The following DNAI4 variants were observed in gnomAD, a reference collection of about 807,000 sequenced individuals.
DNAI4 encodes the protein dynein axonemal intermediate chain 4.
In DNAI4, 85 loss-of-function variants were observed where a neutral mutation model predicts 105.8. The ratio of observed to expected loss-of-function variants is 0.80; its 90% CI spans 0.67 to 0.96. The LOEUF (loss-of-function observed/expected upper bound fraction) is 0.96. Among genes scored for constraint, DNAI4 ranks in the 40% least tolerant of loss-of-function variants. The pLI, the probability that DNAI4 is intolerant of heterozygous loss-of-function variation, is 0.00. For synonymous variants in DNAI4, 352 were observed against 331.5 expected, an observed-to-expected ratio of 1.06 and a Z score of -0.67; for missense variants, 1,014 against 1,005.6, an observed-to-expected ratio of 1.01 and a Z score of -0.11.
intron 4 of DNAI4, among the ~76,000 whole-genome samples, chr1:66,877,925 T>A (rs1178185490): frequency 6.6e-6 from 1 of 152,176 alleles, no homozygotes; most frequent in African/African-American, 2.4e-5. Flanking sequence ...ATATCAAAGA[T>A]ACATGCTAAC....
chr1:66,863,536 G>A (rs1646670496), intron 6 of DNAI4, among the ~76,000 whole-genome samples: 1 of 152,032 alleles, frequency 6.6e-6, no homozygotes, highest in Admixed American at 6.6e-5. Flanking sequence ...TCAGTTCACT[G>A]CAACCTATGT....
intron 15 of DNAI4, 21 bp from the exon 16 acceptor site, chr1:66,822,538 T>C (rs1172273181): frequency 1.3e-6 from 2 of 1,547,330 alleles, no homozygotes; most frequent in Admixed American, 4.2e-5. Flanking sequence ...ATATTTTATT[T>C]GTAAATTCAA....
In DNAI4 at chr1:66,837,663, T is replaced by C. The variant is rs76280974; in HGVS notation, c.1581+47A>G. On this transcript the variant is annotated intron_variant, in intron 10 of 16. Coordinates refer to ENST00000371026, the MANE Select transcript of DNAI4 (RefSeq NM_024763.5). ...ATGTAATTATATATTTTATGAGAAT[T>C]TTGTCAACAGCCAGATAAAAATGCT... 2,095 of 1,540,580 alleles carry C rather than the reference T, an allele frequency of 1.4e-3. 27 individuals are homozygous for C. The African/African-American group carries it at 0.026, about 19-fold the overall frequency.
At chr1:66,841,562 G>C (rs1646148992) in intron 8 of DNAI4, among the ~76,000 whole-genome samples, 1 of 151,920 alleles carries the variant, frequency 6.6e-6, no homozygotes, top group Non-Finnish European at 1.5e-5. Context: ...ATGGGGGCGG[G>C]GGTCTTACTC....
At chr1:66,826,742 A>T (rs894896779) in intron 15 of DNAI4, 78 bp downstream of exon 15, 1 of 1,264,800 alleles carries the variant, frequency 7.9e-7, no homozygotes, top group Non-Finnish European at 1.1e-6. Context: ...ATACCCTCTA[A>T]CTGGTGTCAA....
chr1:66,836,854 G>A (rs150451456), intron 10 of DNAI4, among the ~76,000 whole-genome samples: 5 of 152,180 alleles, frequency 3.3e-5, no homozygotes, highest in African/African-American at 1.2e-4. Flanking sequence ...TTTCCACTTT[G>A]CATTTCAGTT....
At chr1:66,917,761 G>T (rs1650174659) in intron 1 of DNAI4, among the ~76,000 whole-genome samples, 1 of 152,204 alleles carries the variant, frequency 6.6e-6, no homozygotes, top group Admixed American at 6.5e-5. Context: ...TGGTAATACA[G>T]TCATTTGCAC....
chr1:66,907,726 C>A (rs1379643631), intron 1 of DNAI4, among the ~76,000 whole-genome samples: 1 of 152,194 alleles, frequency 6.6e-6, no homozygotes, highest in African/African-American at 2.4e-5. Flanking sequence ...TGAAGGTAAT[C>A]CTTCAAATAC....
At chr1:66,831,670 C>T (rs1051580720) in intron 13 of DNAI4, among the ~76,000 whole-genome samples, 1 of 152,118 alleles carries the variant, frequency 6.6e-6, no homozygotes, top group Non-Finnish European at 1.5e-5. Context: ...GACACCATAC[C>T]TAATAGTAAA....
At chr1:66,893,093 G>GAA (rs10639038) in intron 3 of DNAI4, 136 bp downstream of exon 3, 4 of 422,366 alleles carry the variant, frequency 9.5e-6, no homozygotes, top group African/African-American at 2.1e-5. Flanking sequence ...AAGAAAGAAA[G>GAA]AAAGAAAGAA....
Position 66,862,219 on chromosome 1 carries a change from C to G in DNAI4, c.1024G>C (p.Glu342Gln). The change falls in exon 7 of 17, where the codon GAG becomes CAG. Residue 342 changes from glutamate (E) to glutamine (Q), a missense_variant. Transcript: ENST00000371026. ...VSLSVKQSVVESSSKANVLPK... is the reference protein window; with the variant it reads ...VSLSVKQSVVQSSSKANVLPK... ...AGTACATTTGCTTTACTACTTGACT[C>G]AACCACAGATTGTTTTACTGATAAA... 6.2e-7 allele frequency: 1 copy of G among 1,609,380 alleles called. No homozygotes were observed. Among genetic ancestry groups the G allele is most frequent in the Non-Finnish European group, 8.5e-7 (1 of 1,178,358 alleles).
At chr1:66,870,308 G>C (rs1646814679) in intron 6 of DNAI4, among the ~76,000 whole-genome samples, 1 of 151,992 alleles carries the variant, frequency 6.6e-6, no homozygotes, top group Non-Finnish European at 1.5e-5. Flanking sequence ...TGGCCATGGT[G>C]GTGGGCACCT....
At chr1:66,829,822 A>T (rs576973401) in intron 13 of DNAI4, among the ~76,000 whole-genome samples, 1 of 152,336 alleles carries the variant, frequency 6.6e-6, no homozygotes, top group South Asian at 2.1e-4. Flanking sequence ...TGGGCTTTAT[A>T]ACAAATCTTA....
chr1:66,840,546 C>T lies in DNAI4; in HGVS notation c.1417G>A (p.Glu473Lys). Residue 473 changes from glutamate to lysine, a missense_variant, in exon 9 of 17, where the codon GAA (glutamate) becomes AAA (lysine). Coordinates refer to ENST00000371026, the MANE Select transcript of DNAI4 (RefSeq NM_024763.5). ...TCACAGGAAAAAGACCAAAGTCGTT[C>T]CAAGTTGGCGGGTATTGTTGATTCT... ...AEESTIPANLERLWSFSCDLT... is the reference protein window; with the variant it reads ...AEESTIPANLKRLWSFSCDLT... The T allele has an allele frequency of 1.9e-6, 3 of 1,614,200 alleles. No homozygotes were observed. The highest frequency in any genetic ancestry group is 8.5e-7 in the Non-Finnish European group (1 of 1,180,032).
intron 4 of DNAI4, among the ~76,000 whole-genome samples, chr1:66,879,745 T>C (rs1647028825): frequency 6.6e-6 from 1 of 152,228 alleles, no homozygotes; most frequent in South Asian, 2.1e-4. Flanking sequence ...TACTATCTCA[T>C]TTTTAATTTG....
chr1:66,824,362 C>T (rs896219815), intron 15 of DNAI4, among the ~76,000 whole-genome samples: 15 of 151,554 alleles, frequency 9.9e-5, no homozygotes, highest in Non-Finnish European at 1.9e-4. Context: ...CAGCTTTGTT[C>T]TTTTGGCTTA....
intron 16 of DNAI4, among the ~76,000 whole-genome samples, chr1:66,818,577 G>C (rs942166740): frequency 6.6e-6 from 1 of 152,128 alleles, no homozygotes; most frequent in Non-Finnish European, 1.5e-5. Flanking sequence ...AAAGTAGACT[G>C]AGTAATCTTT....
intron 1 of DNAI4, among the ~76,000 whole-genome samples, chr1:66,912,696 G>A (rs912568154): frequency 2.0e-5 from 3 of 152,108 alleles, no homozygotes; most frequent in South Asian, 2.1e-4. Context: ...AGTCACGGGC[G>A]CGCATGCTCA....
intron 3 of DNAI4, 116 bp downstream of exon 3, chr1:66,893,113 G>GAAAGAAAGA (rs1389021990): frequency 2.0e-6 from 1 of 504,450 alleles, no homozygotes; most frequent in East Asian, 3.3e-5. Flanking sequence ...AAGAAAGAAA[G>GAAAGAAAGA]AAAGAAAGAA....
Sources: allele counts gnomAD v4.1 joint callset (sites outside exome capture counted in the v4.1 genomes callset), GRCh38; gene constraint gnomAD v4.1.1; transcripts MANE v1.5; gene names NCBI Gene and HGNC (gene_info 2026-07-23, HGNC 2026-07-21).